Variants in CABCOCO1 observed in about 807,000 individuals in gnomAD.
CABCOCO1 encodes ciliary-associated calcium-binding coiled-coil protein 1.
Under a neutral mutation model 35.7 loss-of-function variants are expected in CABCOCO1, and 28 were observed. The ratio of observed to expected loss-of-function variants is 0.78; its 90% CI spans 0.58 to 1.07. CABCOCO1 has a LOEUF of 1.07. Ranked by LOEUF, CABCOCO1 falls within the 50% of genes least tolerant of loss-of-function variation. The probability of loss-of-function intolerance (pLI) is 0.00; values close to 1 mark genes in which losing one functional copy is unlikely to be tolerated. For synonymous variants in CABCOCO1, 95 were observed against 100.1 expected, an observed-to-expected ratio of 0.95 and a Z score of 0.30; for missense variants, 326 against 309.2, an observed-to-expected ratio of 1.05 and a Z score of -0.41.
At chr10:61,720,502 C>G (rs1840978293) in intron 5 of CABCOCO1, among the ~76,000 whole-genome samples, 1 of 151,972 alleles carries the variant, frequency 6.6e-6, no homozygotes, top group Non-Finnish European at 1.5e-5. Context: ...TTTAAAAAAT[C>G]TACTTGTCAC....
At chr10:61,755,152 A>G (rs1407925972) in intron 5 of CABCOCO1, among the ~76,000 whole-genome samples, 3 of 152,132 alleles carry the variant, frequency 2.0e-5, no homozygotes, top group Non-Finnish European at 4.4e-5. Flanking sequence ...TTTCTCTGAT[A>G]ATGTTGGCTT....
intron 1 of CABCOCO1, among the ~76,000 whole-genome samples, chr10:61,667,809 A>C (rs945106647): frequency 6.6e-6 from 1 of 151,864 alleles, no homozygotes. Flanking sequence ...TGTAATCCTC[A>C]AATAAGAATT....
intron 5 of CABCOCO1, among the ~76,000 whole-genome samples, chr10:61,727,239 A>G (rs980878175): frequency 6.6e-6 from 1 of 151,328 alleles, no homozygotes; most frequent in Non-Finnish European, 1.5e-5. Context: ...TTATACTTCT[A>G]CAACCAACAA....
chr10:61,708,033 C>T (rs1448018336), intron 5 of CABCOCO1, among the ~76,000 whole-genome samples: 1 of 151,970 alleles, frequency 6.6e-6, no homozygotes, highest in Non-Finnish European at 1.5e-5. Context: ...TGGCATAGGA[C>T]AGCATCTCAA....
chr10:61,748,454 T>C (rs1290475641), intron 5 of CABCOCO1, among the ~76,000 whole-genome samples: 2 of 152,324 alleles, frequency 1.3e-5, no homozygotes, highest in East Asian at 3.9e-4. Flanking sequence ...TTAAGCTTTT[T>C]CTACATGCCA....
At chr10:61,752,925 TA>T (rs1294880616) in intron 5 of CABCOCO1, among the ~76,000 whole-genome samples, 1 of 152,190 alleles carries the variant, frequency 6.6e-6, no homozygotes, top group Admixed American at 6.5e-5. Flanking sequence ...TTTATCTAAA[TA>T]GTTTCAGCCT....
At chr10:61,717,110 A>C (rs1478053714) in intron 5 of CABCOCO1, among the ~76,000 whole-genome samples, 1 of 152,190 alleles carries the variant, frequency 6.6e-6, no homozygotes, top group Non-Finnish European at 1.5e-5. Flanking sequence ...TTTTGAAGAA[A>C]AGGAAAAAAT....
intron 5 of CABCOCO1, among the ~76,000 whole-genome samples, chr10:61,710,732 T>C (rs1400701569): frequency 6.6e-6 from 1 of 151,788 alleles, no homozygotes; most frequent in Non-Finnish European, 1.5e-5. Context: ...AGCAAAGATT[T>C]TTGAGGTGGA....
intron 5 of CABCOCO1, among the ~76,000 whole-genome samples, chr10:61,724,205 C>G (rs917243369): frequency 6.6e-6 from 1 of 152,112 alleles, no homozygotes; most frequent in East Asian, 1.9e-4. Flanking sequence ...TAGAAATACT[C>G]AATATTGTAC....
chr10:61,686,144 T>C lies in CABCOCO1; in HGVS notation c.438T>C (p.Asp146=), dbSNP rs757659205. ...AGAGTGAGGACTGGAATATCTTTGA[T>C]GTAAAACAAGCCAATGCTATCATTG... is the stretch of plus-strand genomic sequence containing the variant. The part of the protein sequence containing the change: ...SQKSEDWNIF[D]VKQANAIIDY... Residue 146 remains aspartate, a synonymous_variant, in exon 4 of 8, where the codon GAT becomes GAC. Transcript: ENST00000648843. The C allele has an allele frequency of 2.5e-6, 4 of 1,596,188 alleles. No homozygotes were observed. The highest frequency in any genetic ancestry group is 1.7e-4 in the Middle Eastern group (1 of 6,020).
At chr10:61,749,911 C>T (rs955421166) in intron 5 of CABCOCO1, among the ~76,000 whole-genome samples, 8 of 151,802 alleles carry the variant, frequency 5.3e-5, no homozygotes, top group Non-Finnish European at 7.4e-5. Flanking sequence ...CTATTTATAA[C>T]GTGCTTTCTA....
intron 5 of CABCOCO1, among the ~76,000 whole-genome samples, chr10:61,745,279 G>A (rs190161308): frequency 6.6e-6 from 1 of 152,182 alleles, no homozygotes; most frequent in East Asian, 1.9e-4. Context: ...TTCTTCCAGA[G>A]CCAAGTTTAT....
Position 61,719,838 on chromosome 10 carries a change from T to G in CABCOCO1, c.552+29217T>G, listed in dbSNP as rs548118879. Among the ~76,000 whole-genome samples, 3 of 149,592 alleles carry G rather than the reference T, an allele frequency of 2.0e-5. No individual in the cohort carries two copies. The East Asian group carries it at 5.9e-4, about 30-fold the overall frequency. ...CTGGAGGCTGAGGTAGGAGAATCAC[T>G]TGAACTCAGGAGTCAGAGGTTTCAG... On this transcript the variant is annotated intron_variant, in intron 5 of 7. Coordinates refer to ENST00000648843, the MANE Select transcript of CABCOCO1 (RefSeq NM_001366906.2).
intron 3 of CABCOCO1, chr10:61,685,396 C>T (rs1839924673): frequency 6.6e-6 from 1 of 152,090 alleles, no homozygotes; most frequent in Non-Finnish European, 1.5e-5. Context: ...AGTTTTCATG[C>T]TTTTATTCTG....
At chr10:61,665,088 G>A (rs1223822559) in intron 1 of CABCOCO1, among the ~76,000 whole-genome samples, 1 of 152,164 alleles carries the variant, frequency 6.6e-6, no homozygotes, top group African/African-American at 2.4e-5. Flanking sequence ...TAAATCATAA[G>A]CTTTCAGTAG....
At chr10:61,690,434 T>C in intron 4 of CABCOCO1, 115 bp from the exon 5 acceptor site, 1 of 611,250 alleles carries the variant, frequency 1.6e-6, no homozygotes, top group East Asian at 2.9e-5. Context: ...TCTGTTTTAG[T>C]GTCTGATAGC....
intron 2 of CABCOCO1, among the ~76,000 whole-genome samples, chr10:61,674,245 A>C (rs1392204578): frequency 6.6e-6 from 1 of 152,174 alleles, no homozygotes; most frequent in Non-Finnish European, 1.5e-5. Context: ...AATTCTGAAC[A>C]TATTTTTAAT....
chr10:61,759,822 C>T (rs552215492), intron 5 of CABCOCO1, among the ~76,000 whole-genome samples: 5 of 152,058 alleles, frequency 3.3e-5, no homozygotes, highest in Admixed American at 2.6e-4. Context: ...TACATGAAAT[C>T]CTAAACCACA....
chr10:61,672,338 C>T (rs1589109796), intron 1 of CABCOCO1, among the ~76,000 whole-genome samples: 1 of 152,166 alleles, frequency 6.6e-6, no homozygotes, highest in African/African-American at 2.4e-5. Context: ...TATTTGCCTC[C>T]TCATAAGCCC....
Sources: allele counts gnomAD v4.1 joint callset (sites outside exome capture counted in the v4.1 genomes callset), GRCh38; gene constraint gnomAD v4.1.1; transcripts MANE v1.5; gene names NCBI Gene and HGNC (gene_info 2026-07-23, HGNC 2026-07-21).